The following SLC25A37 variants were observed in gnomAD, a reference collection of about 807,000 sequenced individuals.
The protein encoded by SLC25A37 is solute carrier family 25 member 37, also known as mitoferrin-1.
SLC25A37 carries 17 observed loss-of-function variants against 31.0 expected under a neutral mutation model. The ratio of observed to expected loss-of-function variants is 0.55; its 90% confidence interval spans 0.38 to 0.82. The LOEUF is 0.82. Among genes scored for constraint, SLC25A37 ranks in the 40% least tolerant of loss-of-function variants. SLC25A37 has a pLI of 0.00. For missense variants in SLC25A37, 404 were observed against 465.8 expected (o/e 0.87, Z 1.22); for synonymous variants, 222 against 193.0 (o/e 1.15, Z -1.24).
In SLC25A37 at chr8:23,573,860, A is replaced by G. The variant is rs535336137; in HGVS notation, c.*2005A>G. 318 of 456,700 alleles carry G rather than the reference A, an allele frequency of 7.0e-4. 1 individual carries two copies. The highest frequency in any genetic ancestry group is 9.7e-4 in the Non-Finnish European group (221 of 226,962). 28.3% of individuals were successfully genotyped at this position (456,700 alleles called of 1,614,324 possible). ...CCAAAACCAGTTGCAGCCTCAACCC[A>G]CATGGGGATGTAGAAAGCCGTAAAG... On this transcript the variant is annotated 3_prime_UTR_variant, in exon 4 of 4. Coordinates refer to ENST00000519973, the MANE Select transcript of SLC25A37 (RefSeq NM_016612.4).
In SLC25A37 at chr8:23,537,104, G is replaced by A. The variant is rs1010747790; in HGVS notation, c.210+7892G>A. 3.3e-5 allele frequency among the ~76,000 whole-genome samples: 5 copies of A among 151,422 alleles called. No individual in the cohort carries two copies. The East Asian group carries it at 9.8e-4, about 30-fold the overall frequency. On this transcript the variant is annotated intron_variant, in intron 1 of 3. Coordinates refer to ENST00000519973, the MANE Select transcript of SLC25A37 (RefSeq NM_016612.4). ...TCAGCTTCTTGGGAGGCTGAGGTGG[G>A]GGAATTGCTTGAGCCTGGGAGGTCG... is the stretch of plus-strand genomic sequence containing the variant.
At chr8:23,569,953 C>G (rs577923692) in intron 3 of SLC25A37, among the ~76,000 whole-genome samples, 2 of 152,184 alleles carry the variant, frequency 1.3e-5, no homozygotes, top group Non-Finnish European at 2.9e-5. Flanking sequence ...CATTTTAAGT[C>G]TCATGCTATA....
At chr8:23,543,666 C>T (rs527521270) in intron 1 of SLC25A37, among the ~76,000 whole-genome samples, 7 of 152,282 alleles carry the variant, frequency 4.6e-5, no homozygotes, top group African/African-American at 1.7e-4. Flanking sequence ...TCCCGAGTTG[C>T]TGGGACTACA....
intron 1 of SLC25A37, among the ~76,000 whole-genome samples, chr8:23,560,163 G>T (rs917683161): frequency 2.0e-5 from 3 of 152,222 alleles, no homozygotes. Context: ...AGCTACTCAG[G>T]AGGCTGAGGT....
intron 1 of SLC25A37, among the ~76,000 whole-genome samples, chr8:23,558,991 T>C (rs184999511): frequency 1.3e-5 from 2 of 152,354 alleles, no homozygotes; most frequent in Non-Finnish European, 2.9e-5. Context: ...CACCTGGATG[T>C]TCTTGGCACT....
intron 1 of SLC25A37, among the ~76,000 whole-genome samples, chr8:23,533,476 C>T (rs923088657): frequency 6.6e-6 from 1 of 152,218 alleles, no homozygotes; most frequent in Non-Finnish European, 1.5e-5. Context: ...GGGCACGTTT[C>T]AGCTGCATGT....
At chr8:23,556,790 T>G (rs1802378089) in intron 1 of SLC25A37, among the ~76,000 whole-genome samples, 1 of 152,158 alleles carries the variant, frequency 6.6e-6, no homozygotes, top group South Asian at 2.1e-4. Flanking sequence ...GGATTATTTG[T>G]GCTGCTCTGC....
intron 2 of SLC25A37, chr8:23,567,401 T>G (rs570870030): frequency 3.9e-5 from 6 of 152,414 alleles, no homozygotes; most frequent in Admixed American, 2.6e-4. Context: ...CTTCTTTTGC[T>G]GAAACTGCCT....
At position 23,574,155 on chromosome 8, in the gene SLC25A37, T is replaced by TCTAACC; in HGVS notation, c.*2300_*2301insCTAACC. 3.4e-6 allele frequency: 1 copy of TCTAACC among 297,656 alleles called. No individual in the cohort carries two copies. The highest frequency in any genetic ancestry group is 6.8e-6 in the Non-Finnish European group (1 of 147,912). 18.4% of individuals were successfully genotyped at this position (297,656 alleles called of 1,614,324 possible). ...ATTTCTCTAGGAGCACTCCTTTGGT[T>TCTAACC]AGAGGGATGCAAGAAGGAGAGGTGA... On this transcript the variant is annotated 3_prime_UTR_variant, in exon 4 of 4. Transcript: ENST00000519973.
intron 1 of SLC25A37, among the ~76,000 whole-genome samples, chr8:23,557,374 T>C (rs1334367548): frequency 2.0e-5 from 3 of 152,158 alleles, no homozygotes; most frequent in African/African-American, 4.8e-5. Context: ...ATTTGTAGTG[T>C]GTGCCTTCTA....
intron 1 of SLC25A37, among the ~76,000 whole-genome samples, chr8:23,543,841 C>CAAACTTT (rs113225998): frequency 0.37 from 56,736 of 151,430 alleles, 12,257 homozygotes; most frequent in East Asian, 0.61. Flanking sequence ...CAGCAAAAAA[C>CAAACTTT]GATGTGGTAT....
intron 1 of SLC25A37, among the ~76,000 whole-genome samples, chr8:23,538,799 T>G (rs185684987): frequency 3.9e-5 from 6 of 152,314 alleles, no homozygotes; most frequent in African/African-American, 1.2e-4. Context: ...TGACGGACTT[T>G]CAGATGGGCT....
chr8:23,574,516 C>T lies in SLC25A37; in HGVS notation c.*2661C>T, dbSNP rs755955154. ...AGCTCTGTGGGCCCTGATTGCAGGC[C>T]CCTCCCTGTGTGATGAGGGATGAGT... On this transcript the variant is annotated 3_prime_UTR_variant, in exon 4 of 4. Coordinates refer to ENST00000519973, the MANE Select transcript of SLC25A37 (RefSeq NM_016612.4). 1 of 154,622 alleles carries T rather than the reference C, an allele frequency of 6.5e-6. No individual in the cohort carries two copies. Among genetic ancestry groups the T allele is most frequent in the African/African-American group, 2.4e-5 (1 of 41,478 alleles). The allele number at this position is 154,622 out of a possible 1,614,324, so 9.6% of individuals were successfully genotyped here.
intron 1 of SLC25A37, among the ~76,000 whole-genome samples, chr8:23,533,491 A>G (rs145881326): frequency 1.6e-3 from 242 of 152,348 alleles, no homozygotes; most frequent in Non-Finnish European, 2.7e-3. Flanking sequence ...GCATGTGGCC[A>G]TCTCATTAGA....
intron 1 of SLC25A37, among the ~76,000 whole-genome samples, chr8:23,533,803 A>G (rs189452113): frequency 7.2e-5 from 11 of 152,350 alleles, no homozygotes; most frequent in African/African-American, 2.6e-4. Context: ...GGCCACAGAC[A>G]TACCCCTGTG....
intron 1 of SLC25A37, among the ~76,000 whole-genome samples, chr8:23,562,896 C>T (rs1802553456): frequency 6.6e-6 from 1 of 152,072 alleles, no homozygotes; most frequent in Non-Finnish European, 1.5e-5. Flanking sequence ...TGCTTTTTGT[C>T]AGGGGCAAGT....
chr8:23,540,938 C>G (rs1235823924), intron 1 of SLC25A37, among the ~76,000 whole-genome samples: 3 of 152,188 alleles, frequency 2.0e-5, no homozygotes, highest in Non-Finnish European at 4.4e-5. Flanking sequence ...TATTATCACA[C>G]TGGGATCCTG....
rs568418700 is a variant in SLC25A37 at position 23,556,418 on chromosome 8, G to T, written c.211-9690G>T. Among the ~76,000 whole-genome samples, 3 of 151,948 alleles carry T rather than the reference G, an allele frequency of 2.0e-5. No individual in the cohort carries two copies. In the East Asian group the frequency reaches 5.8e-4, roughly 29 times the overall value. ...AAAAATTACTTTCTGAAGAGATGGG[G>T]TCTTGCTATGTTGTCCAGACTGGGC... On this transcript the variant is annotated intron_variant, in intron 1 of 3. Coordinates refer to ENST00000519973, the MANE Select transcript of SLC25A37 (RefSeq NM_016612.4).
intron 1 of SLC25A37, among the ~76,000 whole-genome samples, chr8:23,555,832 C>T (rs546133986): frequency 6.6e-6 from 1 of 152,334 alleles, no homozygotes; most frequent in East Asian, 1.9e-4. Flanking sequence ...TCCACTTTCT[C>T]CCCCCTCCAA....
Sources: allele counts gnomAD v4.1 joint callset (sites outside exome capture counted in the v4.1 genomes callset), GRCh38; gene constraint gnomAD v4.1.1; transcripts MANE v1.5; gene names NCBI Gene and HGNC (gene_info 2026-07-23, HGNC 2026-07-21).